CAGE1: variants seen among roughly 807,000 people sequenced by gnomAD.
CAGE1 encodes the protein cancer antigen 1.
CAGE1 carries 66 observed loss-of-function variants against 94.9 expected under a neutral mutation model. The observed-to-expected ratio is 0.70, with a 90% CI of 0.57 to 0.85. The LOEUF (loss-of-function observed/expected upper bound fraction) is 0.85. Ranked by LOEUF, CAGE1 falls within the 40% of genes least tolerant of loss-of-function variation. The pLI is 0.00. For synonymous variants in CAGE1, 319 were observed against 321.0 expected (o/e 0.99, Z 0.07); for missense variants, 865 against 950.4 (o/e 0.91, Z 1.18).
chr6:7,352,290 C>CAAAAAAAA (rs77426667), intron 11 of CAGE1, among the ~76,000 whole-genome samples: 1 of 43,626 alleles, frequency 2.3e-5, no homozygotes, highest in African/African-American at 5.9e-5. Flanking sequence ...ACAATAGCTG[C>CAAAAAAAA]AAAAAAAAAA....
chr6:7,332,637 T>A (rs754454208), intron 12 of CAGE1, among the ~76,000 whole-genome samples: 1 of 152,136 alleles, frequency 6.6e-6, no homozygotes, highest in Non-Finnish European at 1.5e-5. Context: ...GTTTCAAAGC[T>A]CTTTAGGTGA....
intron 9 of CAGE1, among the ~76,000 whole-genome samples, chr6:7,363,939 A>G (rs368929737): frequency 1.3e-5 from 2 of 152,206 alleles, no homozygotes; most frequent in East Asian, 3.8e-4. Context: ...ACATTCTTCA[A>G]TAAAGAACTC....
chr6:7,358,050 A>AAG (rs1760033051), intron 9 of CAGE1, among the ~76,000 whole-genome samples: 10 of 120,848 alleles, frequency 8.3e-5, no homozygotes, highest in African/African-American at 3.3e-4. Context: ...ATATATATAT[A>AAG]TATATATATA....
At chr6:7,334,391 C>T (rs1002601542) in intron 11 of CAGE1, among the ~76,000 whole-genome samples, 1 of 152,138 alleles carries the variant, frequency 6.6e-6, no homozygotes, top group African/African-American at 2.4e-5. Context: ...ACTGATCCCT[C>T]TATATGAGTA....
intron 9 of CAGE1, among the ~76,000 whole-genome samples, chr6:7,359,657 G>T (rs968971399): frequency 6.6e-6 from 1 of 152,188 alleles, no homozygotes; most frequent in Non-Finnish European, 1.5e-5. Context: ...CCAAGATGAG[G>T]TTCACTCAGT....
intron 11 of CAGE1, 78 bp downstream of exon 11, chr6:7,354,963 G>GA: frequency 2.7e-6 from 3 of 1,111,074 alleles, no homozygotes; most frequent in Non-Finnish European, 4.0e-6. Flanking sequence ...CTAGGAGTCT[G>GA]AAAAAAAGAA....
chr6:7,374,045 A>G lies in CAGE1; in HGVS notation c.774T>C (p.Gly258=), dbSNP rs1561864868. 1.9e-6 allele frequency: 3 copies of G among 1,613,882 alleles called. No homozygotes were observed. Among genetic ancestry groups the G allele is most frequent in the Admixed American group, 3.3e-5 (2 of 59,990 alleles). The stretch of plus-strand genomic sequence containing the variant: ...TTGAGACAATTTCTGGCCTCTCCAC[A>G]CCCTCTGCTGTGACTTCCTTTTCAT... ...VSYEKEVTAE[G]VERPEIVSTW... is the part of the protein sequence containing the mutation. The change falls in exon 5 of 14, where the codon GGT becomes GGC. Residue 258 remains glycine, a synonymous_variant. Coordinates refer to ENST00000502583, the MANE Select transcript of CAGE1 (RefSeq NM_001170692.2).
intron 4 of CAGE1, among the ~76,000 whole-genome samples, chr6:7,375,012 C>T (rs1043795523): frequency 1.3e-5 from 2 of 151,524 alleles, no homozygotes; most frequent in African/African-American, 2.4e-5. Flanking sequence ...CCAGCCTGGG[C>T]GATAGAGCGA....
chr6:7,335,201 C>T (rs1196579800), intron 11 of CAGE1, among the ~76,000 whole-genome samples: 2 of 152,158 alleles, frequency 1.3e-5, no homozygotes, highest in Non-Finnish European at 1.5e-5. Context: ...GCATTTAGGG[C>T]CCACTCAGAT....
Position 7,368,757 on chromosome 6 carries a change from C to T in CAGE1, c.1935G>A (p.Glu645=). 6.4e-7 allele frequency: 1 copy of T among 1,560,218 alleles called. No homozygotes were observed. The highest frequency in any genetic ancestry group is 1.2e-5 in the South Asian group (1 of 82,608). The change falls in exon 7 of 14, where the codon GAG becomes GAA. Residue 645 remains glutamate (E), a synonymous_variant. Coordinates refer to ENST00000502583, the MANE Select transcript of CAGE1 (RefSeq NM_001170692.2). ...TTTGCAGCATTATATCACTAACCTT[C>T]TCACTCTCTTTGAAATGTTCAGCAT... ...NSDAEHFKES[E]KVSDIMLQKL...
At chr6:7,380,272 G>A (rs1464596240) in intron 3 of CAGE1, among the ~76,000 whole-genome samples, 1 of 152,158 alleles carries the variant, frequency 6.6e-6, no homozygotes, top group African/African-American at 2.4e-5. Flanking sequence ...CACTTTAGGT[G>A]AGTGATTAAT....
chr6:7,377,913 C>T (rs1458184066), intron 4 of CAGE1, among the ~76,000 whole-genome samples: 2 of 152,118 alleles, frequency 1.3e-5, no homozygotes, highest in Non-Finnish European at 2.9e-5. Context: ...TGCTCGGAAT[C>T]AATAAACCAA....
intron 1 of CAGE1, 74 bp downstream of exon 1, chr6:7,389,126 AAG>A: frequency 2.6e-6 from 1 of 382,640 alleles, no homozygotes; most frequent in East Asian, 7.2e-5. Flanking sequence ...TAGGAGTTAA[AAG>A]AGGTGTCACG....
At chr6:7,341,070 G>A in intron 11 of CAGE1, 1 of 518,824 alleles carries the variant, frequency 1.9e-6, no homozygotes, top group East Asian at 4.8e-5. Flanking sequence ...AGAGGCCAGA[G>A]CTGCAGCTGT....
At chr6:7,330,103 T>C (rs974247738) in intron 12 of CAGE1, among the ~76,000 whole-genome samples, 1 of 152,066 alleles carries the variant, frequency 6.6e-6, no homozygotes, top group African/African-American at 2.4e-5. Flanking sequence ...ATAAAAACAA[T>C]GAGGCAGGTT....
chr6:7,359,053 T>C (rs746463423), intron 9 of CAGE1, among the ~76,000 whole-genome samples: 2 of 124,478 alleles, frequency 1.6e-5, no homozygotes, highest in Non-Finnish European at 3.1e-5. Flanking sequence ...ATTTGCATCT[T>C]TTTTTTTTTT....
chr6:7,378,397 G>T (rs1276997105), intron 4 of CAGE1, among the ~76,000 whole-genome samples: 2 of 151,996 alleles, frequency 1.3e-5, no homozygotes, highest in Non-Finnish European at 2.9e-5. Flanking sequence ...CCCCAGAGAA[G>T]CAAAGTCCCT....
intron 13 of CAGE1, among the ~76,000 whole-genome samples, 182 bp downstream of exon 13, chr6:7,329,667 G>C (rs994558410): frequency 6.6e-6 from 1 of 152,092 alleles, no homozygotes; most frequent in Admixed American, 6.5e-5. Flanking sequence ...ATTAGAGGGA[G>C]GGGTTTCCAA....
At chr6:7,371,635 A>G (rs1007633798) in intron 5 of CAGE1, among the ~76,000 whole-genome samples, 4 of 152,096 alleles carry the variant, frequency 2.6e-5, no homozygotes, top group Non-Finnish European at 5.9e-5. Context: ...ATACAAAAAA[A>G]TTAGCTGGGC....
Sources: gnomAD v4.1 joint callset for allele counts (sites outside exome capture counted in the v4.1 genomes callset) on GRCh38, gnomAD v4.1.1 for gene constraint, MANE v1.5 for transcripts, NCBI Gene and HGNC (gene_info 2026-07-23, HGNC 2026-07-21) for gene names.